BPTF: variants seen among roughly 807,000 people sequenced by gnomAD.
BPTF encodes the protein bromodomain PHD finger transcription factor.
In BPTF, 18 loss-of-function variants were observed where a neutral mutation model predicts 292.5. That is an observed-to-expected ratio of 0.06 (90% CI 0.04 to 0.09). The LOEUF (loss-of-function observed/expected upper bound fraction) is 0.09. BPTF is among the 10% of genes least tolerant of loss of function. The probability of loss-of-function intolerance (pLI) is 1.00; values close to 1 mark genes in which losing one functional copy is unlikely to be tolerated. For synonymous variants in BPTF, 1,225 were observed against 1,251.9 expected (o/e 0.98, Z 0.45); for missense variants, 2,726 against 3,498.7 (o/e 0.78, Z 5.57).
In BPTF at chr17:67,983,045, G is replaced by C. The variant is rs2070589034; in HGVS notation, c.*757G>C. The C allele has an allele frequency of 6.6e-6, 1 of 152,184 alleles. No individual in the cohort carries two copies. Among genetic ancestry groups the C allele is most frequent in the African/African-American group, 2.4e-5 (1 of 41,432 alleles). 9.4% of individuals were successfully genotyped at this position (152,184 alleles called of 1,614,324 possible). On this transcript the variant is annotated 3_prime_UTR_variant, in exon 28 of 28. Coordinates refer to ENST00000306378, the MANE Select transcript of BPTF (RefSeq NM_182641.4). ...CTAAAATGAGTAAAATCTATTTGAA[G>C]GTATCTTGTTTGTAAACATTTGTCA...
chr17:67,884,943 T>G (rs904097521), intron 4 of BPTF, among the ~76,000 whole-genome samples: 1 of 152,184 alleles, frequency 6.6e-6, no homozygotes, highest in Non-Finnish European at 1.5e-5. Context: ...CTTCATATAG[T>G]TTTATTTTAC....
intron 1 of BPTF, among the ~76,000 whole-genome samples, chr17:67,852,484 T>C (rs2058470070): frequency 1.3e-5 from 2 of 152,192 alleles, no homozygotes; most frequent in Admixed American, 1.3e-4. Flanking sequence ...AGTTTATTTA[T>C]TCAAATGACA....
At position 67,969,528 on chromosome 17, in the gene BPTF, TATC is replaced by T. The variant is rs1479468516; in HGVS notation, c.8539+2875_8539+2877del. On this transcript the variant is annotated intron_variant, in intron 26 of 27. Coordinates refer to ENST00000306378, the MANE Select transcript of BPTF (RefSeq NM_182641.4). ...TTGTATGCATGGGTGTTAAAATTCA[TATC>T]ATACAGTGAATACATTTTCCTATGT... Among the ~76,000 whole-genome samples the T allele has an allele frequency of 4.4e-5, 6 of 137,644 alleles. No homozygotes were observed. The East Asian group carries it at 6.5e-4, about 15-fold the overall frequency. The allele number at this position is 137,644 out of a possible 152,430, so 90.3% of individuals were successfully genotyped here. A position where few individuals can be genotyped will look rare whatever the true frequency, so the allele number is the denominator to read the frequency against.
chr17:67,879,181 G>A (rs140709882), intron 4 of BPTF, among the ~76,000 whole-genome samples: 7,115 of 137,518 alleles, frequency 0.052, 221 homozygotes, highest in South Asian at 0.12. Flanking sequence ...TCAGTCTTTC[G>A]CCCAGGCTGG....
At chr17:67,872,807 T>C (rs1376916846) in intron 3 of BPTF, among the ~76,000 whole-genome samples, 4 of 152,042 alleles carry the variant, frequency 2.6e-5, no homozygotes, top group African/African-American at 9.7e-5. Context: ...CTTTAAAATA[T>C]AGGAATTAAG....
At chr17:67,971,219 C>T (rs1410183172) in intron 26 of BPTF, among the ~76,000 whole-genome samples, 3 of 152,172 alleles carry the variant, frequency 2.0e-5, no homozygotes, top group African/African-American at 7.2e-5. Flanking sequence ...TCTGGGATTA[C>T]AGGCATGCGC....
chr17:67,963,589 AAGC>A (rs2067716679), intron 24 of BPTF: 4 of 1,264,576 alleles, frequency 3.2e-6, no homozygotes, highest in Admixed American at 3.9e-5. Flanking sequence ...TTAAAATAAA[AAGC>A]AGATTTTTTT....
chr17:67,869,085 A>G (rs1229493302), intron 3 of BPTF, among the ~76,000 whole-genome samples: 1 of 152,172 alleles, frequency 6.6e-6, no homozygotes, highest in Admixed American at 6.5e-5. Flanking sequence ...AATCATAGGA[A>G]ATTTTATTAA....
intron 4 of BPTF, among the ~76,000 whole-genome samples, chr17:67,881,267 A>C (rs1385706046): frequency 6.6e-6 from 1 of 152,166 alleles, no homozygotes; most frequent in Non-Finnish European, 1.5e-5. Flanking sequence ...CACTTTTAAA[A>C]GTTAAAAAGT....
At position 67,912,385 on chromosome 17, in the gene BPTF, C is replaced by G. The variant is rs756499381; in HGVS notation, c.4501C>G (p.Leu1501Val). 7 of 1,614,092 alleles carry G rather than the reference C, an allele frequency of 4.3e-6. 1 individual carries two copies. In the South Asian group the frequency reaches 6.6e-5, roughly 15 times the overall value. The change falls in exon 11 of 28, where the codon CTT becomes GTT. Residue 1501 changes from leucine to valine, a missense_variant. Leu to Val is a conservative substitution (Grantham distance 32, BLOSUM62 1). Transcript: ENST00000306378. ...SDAEGNYRDSLETLPSTKESD... is the reference protein window; with the variant it reads ...SDAEGNYRDSVETLPSTKESD... Reference sequence around the variant, plus strand: ...TGCTGAAGGTAACTACCGAGATAGCCTTGAGACCCTGCCATCAACCAAAGA... The same window carrying G: ...TGCTGAAGGTAACTACCGAGATAGCGTTGAGACCCTGCCATCAACCAAAGA...
At chr17:67,919,356 C>T (rs1473399006) in intron 12 of BPTF, among the ~76,000 whole-genome samples, 1 of 151,764 alleles carries the variant, frequency 6.6e-6, no homozygotes, top group Non-Finnish European at 1.5e-5. Flanking sequence ...GACAACATAA[C>T]GAGACCTTGT....
At chr17:67,970,747 T>G (rs1245469914) in intron 26 of BPTF, among the ~76,000 whole-genome samples, 4 of 152,232 alleles carry the variant, frequency 2.6e-5, no homozygotes, top group African/African-American at 9.6e-5. Flanking sequence ...TTTGTAAACT[T>G]AATACTTTTT....
At chr17:67,873,009 T>C (rs1598362747) in intron 3 of BPTF, among the ~76,000 whole-genome samples, 1 of 151,996 alleles carries the variant, frequency 6.6e-6, no homozygotes, top group Non-Finnish European at 1.5e-5. Context: ...ATCACTTGAG[T>C]CTAGGAGTTC....
In BPTF at chr17:67,983,705, G is replaced by C. The variant is rs1470782094; in HGVS notation, c.*1417G>C. 6.6e-6 allele frequency: 1 copy of C among 152,542 alleles called. No homozygotes were observed. Among genetic ancestry groups the C allele is most frequent in the Non-Finnish European group, 1.5e-5 (1 of 68,016 alleles). The allele number at this position is 152,542 out of a possible 1,614,324, so 9.4% of individuals were successfully genotyped here. On this transcript the variant is annotated 3_prime_UTR_variant, in exon 28 of 28. Coordinates refer to ENST00000306378, the MANE Select transcript of BPTF (RefSeq NM_182641.4). Reference sequence around the variant, plus strand: ...TGCCATAGTTGGATTATGCAGCTTTGCAAAAATTTTTACTAGATTTTGCAC... The same window carrying C: ...TGCCATAGTTGGATTATGCAGCTTTCCAAAAATTTTTACTAGATTTTGCAC...
At chr17:67,840,089 T>TA (rs1446443429) in intron 1 of BPTF, among the ~76,000 whole-genome samples, 2 of 147,892 alleles carry the variant, frequency 1.4e-5, no homozygotes, top group Non-Finnish European at 3.0e-5. Context: ...TACCATTTTT[T>TA]ATGGAAAAAT....
chr17:67,903,135 G>C (rs1200382332), intron 7 of BPTF, among the ~76,000 whole-genome samples: 1 of 152,176 alleles, frequency 6.6e-6, no homozygotes, highest in South Asian at 2.1e-4. Context: ...CGAAAGATGG[G>C]GCCCCATGGG....
rs1420651384 is a variant in BPTF at position 67,931,997 on chromosome 17, A to G, written c.6237A>G (p.Arg2079=). ...QQSTLGKAII[R]TPVMVQPGAP... Reference sequence around the variant, plus strand: ...CAACACTAGGAAAGGCAATTATTCGAACACCTGTGATGGTACAGCCAGGTA... The same window carrying G: ...CAACACTAGGAAAGGCAATTATTCGGACACCTGTGATGGTACAGCCAGGTA... Residue 2079 remains arginine (R), a synonymous_variant, in exon 18 of 28, where the codon CGA becomes CGG. Transcript: ENST00000306378. 1.9e-6 allele frequency: 3 copies of G among 1,613,964 alleles called. No individual in the cohort carries two copies. In the East Asian group the frequency reaches 6.7e-5, roughly 36 times the overall value.
chr17:67,880,330 T>TTC (rs1271468854), intron 4 of BPTF, among the ~76,000 whole-genome samples: 1 of 152,188 alleles, frequency 6.6e-6, no homozygotes, highest in Non-Finnish European at 1.5e-5. Flanking sequence ...CTTTGTACTT[T>TTC]TATGGATTTT....
intron 26 of BPTF, among the ~76,000 whole-genome samples, chr17:67,973,515 GTT>G (rs1235658233): frequency 6.6e-6 from 1 of 150,626 alleles, no homozygotes; most frequent in African/African-American, 2.4e-5. Context: ...TTTTGTTTTT[GTT>G]TTTTGAGACA....
Sources: gnomAD v4.1 joint callset for allele counts (sites outside exome capture counted in the v4.1 genomes callset) on GRCh38, gnomAD v4.1.1 for gene constraint, MANE v1.5 for transcripts, NCBI Gene and HGNC (gene_info 2026-07-23, HGNC 2026-07-21) for gene names.